The following DNAH8 variants were observed in gnomAD, a reference collection of about 807,000 sequenced individuals.
DNAH8 encodes the protein dynein axonemal heavy chain 8.
In DNAH8, 382 loss-of-function variants were observed where a neutral mutation model predicts 562.1. That is an observed-to-expected ratio of 0.68 (90% CI 0.63 to 0.74). DNAH8 has a LOEUF of 0.74. DNAH8 is among the 30% of genes least tolerant of loss of function. DNAH8 has a pLI of 0.00. For synonymous variants in DNAH8, 1,881 were observed against 1,919.4 expected, an observed-to-expected ratio of 0.98 and a Z score of 0.52; for missense variants, 5,203 against 5,620.4, an observed-to-expected ratio of 0.93 and a Z score of 2.37.
intron 21 of DNAH8, among the ~76,000 whole-genome samples, chr6:38,792,357 G>A (rs1011716702): frequency 3.3e-5 from 5 of 152,206 alleles, no homozygotes; most frequent in African/African-American, 1.2e-4. Context: ...AAAGTGCTGG[G>A]ATTACAGGCC....
chr6:38,871,854 T>C (rs1245628593), intron 49 of DNAH8, among the ~76,000 whole-genome samples: 1 of 152,162 alleles, frequency 6.6e-6, no homozygotes, highest in African/African-American at 2.4e-5. Context: ...CAAACGTCTC[T>C]AAGAGTTGAT....
intron 22 of DNAH8, among the ~76,000 whole-genome samples, chr6:38,803,781 G>A (rs1478032619): frequency 6.7e-6 from 1 of 148,494 alleles, no homozygotes; most frequent in Admixed American, 6.8e-5. Flanking sequence ...TCTTTTCCTA[G>A]ATCCTTCTCT....
intron 42 of DNAH8, among the ~76,000 whole-genome samples, chr6:38,859,537 A>G (rs534547562): frequency 6.6e-6 from 1 of 152,304 alleles, no homozygotes; most frequent in South Asian, 2.1e-4. Context: ...TGGATTTAAG[A>G]GCAGTGAAGG....
chr6:38,880,958 T>G (rs1465075940), intron 53 of DNAH8, among the ~76,000 whole-genome samples: 1 of 152,044 alleles, frequency 6.6e-6, no homozygotes, highest in Non-Finnish European at 1.5e-5. Context: ...AACCCGGAGA[T>G]GGAGGCTGCA....
intron 70 of DNAH8, among the ~76,000 whole-genome samples, chr6:38,919,608 A>G (rs1277517947): frequency 2.6e-5 from 4 of 152,240 alleles, no homozygotes; most frequent in East Asian, 1.9e-4. Context: ...CTAGAGTACA[A>G]GAAACATTTA....
intron 24 of DNAH8, among the ~76,000 whole-genome samples, chr6:38,809,628 T>C (rs1274290808): frequency 6.6e-6 from 1 of 152,220 alleles, no homozygotes. Flanking sequence ...TTGATATGTC[T>C]TCTTTAATAT....
intron 82 of DNAH8, among the ~76,000 whole-genome samples, chr6:38,959,525 A>G (rs1583458277): frequency 6.6e-6 from 1 of 152,260 alleles, no homozygotes; most frequent in South Asian, 2.1e-4. Context: ...TAAAATAGCT[A>G]CAAAAAATAA....
chr6:38,831,324 C>T (rs1773812270), intron 30 of DNAH8, among the ~76,000 whole-genome samples: 1 of 149,138 alleles, frequency 6.7e-6, no homozygotes, highest in African/African-American at 2.5e-5. Context: ...ATTTGGGAGG[C>T]TGAGGTGGGA....
At chr6:38,771,291 A>G (rs1001189914) in intron 12 of DNAH8, among the ~76,000 whole-genome samples, 1 of 152,216 alleles carries the variant, frequency 6.6e-6, no homozygotes, top group Non-Finnish European at 1.5e-5. Context: ...AAGCCAGGAC[A>G]GGAAAGTATG....
chr6:38,811,977 G>C (rs188882748), intron 24 of DNAH8, among the ~76,000 whole-genome samples: 2 of 152,296 alleles, frequency 1.3e-5, no homozygotes, highest in Admixed American at 1.3e-4. Flanking sequence ...CAGGGAATTT[G>C]TGGATGTGCT....
At chr6:38,957,911 T>C (rs1762357451) in intron 82 of DNAH8, among the ~76,000 whole-genome samples, 1 of 149,722 alleles carries the variant, frequency 6.7e-6, no homozygotes, top group Admixed American at 6.7e-5. Context: ...AACCTAATGT[T>C]GCATCTCAAG....
At chr6:38,785,778 G>A (rs1769106894) in intron 17 of DNAH8, among the ~76,000 whole-genome samples, 1 of 152,084 alleles carries the variant, frequency 6.6e-6, no homozygotes, top group Non-Finnish European at 1.5e-5. Context: ...ATCTTAAAAA[G>A]ATTCTAAGCG....
intron 41 of DNAH8, 33 bp from the exon 42 acceptor site, chr6:38,857,485 G>A (rs1414796059): frequency 6.8e-7 from 1 of 1,468,652 alleles, no homozygotes; most frequent in Non-Finnish European, 9.4e-7. Context: ...TAAATATTTG[G>A]CAAATTTTAA....
At chr6:38,803,048 T>C (rs914009695) in intron 21 of DNAH8, 131 bp from the exon 22 acceptor site, 8 of 628,714 alleles carry the variant, frequency 1.3e-5, no homozygotes, top group Admixed American at 3.7e-5. Context: ...CATTATGCCA[T>C]TTTCAGCTAT....
intron 7 of DNAH8, among the ~76,000 whole-genome samples, chr6:38,741,147 G>A (rs1764488571): frequency 6.6e-6 from 1 of 152,088 alleles, no homozygotes; most frequent in Non-Finnish European, 1.5e-5. Flanking sequence ...ACTCATGCCT[G>A]TAATCCCAAC....
chr6:38,725,082 C>T (rs1036448152), intron 3 of DNAH8, among the ~76,000 whole-genome samples: 2 of 151,956 alleles, frequency 1.3e-5, no homozygotes, highest in African/African-American at 2.4e-5. Flanking sequence ...GCGGGCAGAT[C>T]GCCTGAGATC....
At position 38,931,964 on chromosome 6, in the gene DNAH8, C is replaced by T. The variant is rs774740325; in HGVS notation, c.11428C>T (p.Leu3810=). 1.9e-6 allele frequency: 3 copies of T among 1,605,060 alleles called. No individual in the cohort carries two copies. Among genetic ancestry groups the T allele is most frequent in the East Asian group, 2.3e-5 (1 of 44,410 alleles). ...AATGAAAGGACTTGAGAATCAGTTA[C>T]TAAGGAGAGTCATTCTAACAGAGAA... The part of the protein sequence containing the change: ...VTMKGLENQL[L]RRVILTEKQE... The change falls in exon 76 of 93, where the codon CTA becomes TTA. Residue 3810 remains leucine, a synonymous_variant. Transcript: ENST00000327475.
At chr6:38,773,889 C>T (rs1472431607) in intron 12 of DNAH8, among the ~76,000 whole-genome samples, 4 of 152,044 alleles carry the variant, frequency 2.6e-5, no homozygotes, top group African/African-American at 4.8e-5. Flanking sequence ...GGCCGAGATT[C>T]GAAGTTGGAA....
intron 7 of DNAH8, among the ~76,000 whole-genome samples, chr6:38,738,339 A>G (rs1013032467): frequency 6.6e-6 from 1 of 152,140 alleles, no homozygotes; most frequent in African/African-American, 2.4e-5. Context: ...CTAAATAAGT[A>G]CCTCTTGTTC....
Sources: gnomAD v4.1 joint callset for allele counts (sites outside exome capture counted in the v4.1 genomes callset) on GRCh38, gnomAD v4.1.1 for gene constraint, MANE v1.5 for transcripts, NCBI Gene and HGNC (gene_info 2026-07-23, HGNC 2026-07-21) for gene names.